SH3BP5L: variants seen among roughly 807,000 people sequenced by gnomAD.
SH3BP5L encodes SH3 domain-binding protein 5-like.
In SH3BP5L, 16 loss-of-function variants were observed where a neutral mutation model predicts 40.9. The ratio of observed to expected loss-of-function variants is 0.39; its 90% CI spans 0.27 to 0.59. The LOEUF (loss-of-function observed/expected upper bound fraction) is 0.59. SH3BP5L is among the 20% of genes least tolerant of loss of function. The pLI is 0.53. For synonymous variants in SH3BP5L, 229 were observed against 226.7 expected (o/e 1.01, Z -0.09); for missense variants, 471 against 544.6 (o/e 0.86, Z 1.35).
In SH3BP5L at chr1:248,812,931, C is replaced by A; in HGVS notation, c.711+58G>T. 5.4e-6 allele frequency: 8 copies of A among 1,477,290 alleles called. No individual in the cohort carries two copies. The highest frequency in any genetic ancestry group is 7.3e-6 in the Non-Finnish European group (8 of 1,095,436). 91.5% of individuals were successfully genotyped at this position (1,477,290 alleles called of 1,614,324 possible). ...ATGGCCCAGAGAGGCCGACCAGCAT[C>A]CCCTCCAGCCTGCACCCCCACCTAC... is the stretch of plus-strand genomic sequence containing the variant. On this transcript the variant is annotated intron_variant, in intron 6 of 6. Transcript: ENST00000366472. The surrounding 1 kb of genome is among the most constrained non-coding windows in gnomAD (Gnocchi z 6.1).
chr1:248,811,997 C>G lies in SH3BP5L; in HGVS notation c.1085G>C (p.Ser362Thr). ...EHLRGLSDHV[S>T]LDGQELGTRS... ...CGTTCCCAGCTCTTGGCCGTCCAGA[C>G]TGACGTGGTCCGAGAGGCCTCGCAA... The change falls in exon 7 of 7, where the codon AGT becomes ACT. Residue 362 changes from serine to threonine, a missense_variant. Physicochemically the swap from Ser to Thr is moderately conservative, Grantham distance 58. Transcript: ENST00000366472. 2.5e-6 allele frequency: 4 copies of G among 1,608,140 alleles called. No individual in the cohort carries two copies. The highest frequency in any genetic ancestry group is 3.4e-6 in the Non-Finnish European group (4 of 1,178,132).
chr1:248,825,358 T>G lies in SH3BP5L; in HGVS notation c.-423A>C, dbSNP rs1482893108. 15 of 998,588 alleles carry G rather than the reference T, an allele frequency of 1.5e-5. No homozygotes were observed. Among genetic ancestry groups the G allele is most frequent in the Non-Finnish European group, 1.7e-5 (14 of 838,352 alleles). 61.9% of individuals were successfully genotyped at this position (998,588 alleles called of 1,614,324 possible). ...GAGCTGAGGCTGTAGGATGAGCGTC[T>G]CTGGGGAGCTGCAGAGAAACAAAGG... On this transcript the variant is annotated 5_prime_UTR_variant, in exon 2 of 7. Transcript: ENST00000366472.
Position 248,825,853 on chromosome 1 carries a change from C to T in SH3BP5L, c.-450G>A, listed in dbSNP as rs989397399. ...GCCTTACCTCAGTTTACCTTCCCGTCCGCGGAGCTTCTATGCTGCAAACAA... is the reference window on the plus strand; with the variant it reads ...GCCTTACCTCAGTTTACCTTCCCGTTCGCGGAGCTTCTATGCTGCAAACAA... On this transcript the variant is annotated 5_prime_UTR_variant, in exon 1 of 7. Transcript: ENST00000366472. 13 of 983,802 alleles carry T rather than the reference C, an allele frequency of 1.3e-5. No individual in the cohort carries two copies. The South Asian group carries it at 4.2e-4, about 32-fold the overall frequency. The allele number at this position is 983,802 out of a possible 1,614,324, so 60.9% of individuals were successfully genotyped here. A position where few individuals can be genotyped will look rare whatever the true frequency, so the allele number is the denominator to read the frequency against.
chr1:248,824,886 TCCCCCTGTGGGGTC>T lies in SH3BP5L; in HGVS notation c.36_49del (p.Thr13AlafsTer4). 1.9e-6 allele frequency: 3 copies of T among 1,613,972 alleles called. No homozygotes were observed. The highest frequency in any genetic ancestry group is 2.5e-6 in the Non-Finnish European group (3 of 1,179,960). ...ATCCTCTACAACTTCAGGCCGCAGC[TCCCCCTGTGGGGTC>T]TCCCGCCCTCCTGGAACCTGTCTGA... On this transcript the variant is annotated frameshift_variant, in exon 2 of 7. Coordinates refer to ENST00000366472, the MANE Select transcript of SH3BP5L (RefSeq NM_030645.3). LOFTEE classifies it high-confidence loss of function.
Position 248,816,816 on chromosome 1 carries a change from A to G in SH3BP5L, c.246+6T>C, listed in dbSNP as rs1664119716. The G allele has an allele frequency of 1.2e-6, 2 of 1,613,992 alleles. No homozygotes were observed. The highest frequency in any genetic ancestry group is 1.7e-5 in the Admixed American group (1 of 60,008). On this transcript the variant is annotated splice_donor_region_variant and intron_variant, in intron 3 of 6. Coordinates refer to ENST00000366472, the MANE Select transcript of SH3BP5L (RefSeq NM_030645.3). ...AGCCCAAGCACATAAGGAAAAGGACACTCACATCCAGCTGTAGTTCCACCT... is the reference window on the plus strand; with the variant it reads ...AGCCCAAGCACATAAGGAAAAGGACGCTCACATCCAGCTGTAGTTCCACCT...
Position 248,812,201 on chromosome 1 carries a change from G to C in SH3BP5L, c.881C>G (p.Ala294Gly). ...LGPRRSSPVG[A>G]EAGPEDMEDG... is the part of the protein sequence containing the mutation. The stretch of plus-strand genomic sequence containing the variant: ...CTCCATGTCCTCGGGTCCTGCCTCG[G>C]CCCCCACGGGGGAGGAGCGCCGAGG... The change falls in exon 7 of 7, where the codon GCC becomes GGC. Residue 294 changes from alanine (A) to glycine (G), a missense_variant. Physicochemically the swap from Ala to Gly is moderately conservative, Grantham distance 60. Coordinates refer to ENST00000366472, the MANE Select transcript of SH3BP5L (RefSeq NM_030645.3). This position sits in a 1 kb window ranked among gnomAD's most constrained non-coding sequence, Gnocchi z 6.1. The C allele has an allele frequency of 6.2e-7, 1 of 1,601,302 alleles. No homozygotes were observed. Among genetic ancestry groups the C allele is most frequent in the Non-Finnish European group, 8.5e-7 (1 of 1,174,912 alleles).
At chr1:248,822,510 T>C (rs12058711) in intron 2 of SH3BP5L, among the ~76,000 whole-genome samples, 49,509 of 152,140 alleles carry the variant, frequency 0.33, 14,002 homozygotes, top group African/African-American at 0.75. Context: ...CTGCTTTACC[T>C]TTCCTGCACC....
Position 248,814,622 on chromosome 1 carries a change from G to A in SH3BP5L, c.376-12C>T. 6.2e-7 allele frequency: 1 copy of A among 1,614,164 alleles called. No individual in the cohort carries two copies. The highest frequency in any genetic ancestry group is 8.5e-7 in the Non-Finnish European group (1 of 1,180,036). ...GTCTCCTGCTGAGCCTGGGGGGAGA[G>A]GGATATCAGGATGGGGAACCCTGAG... On this transcript the variant is annotated splice_polypyrimidine_tract_variant and intron_variant, in intron 4 of 6. Transcript: ENST00000366472.
chr1:248,822,314 G>A (rs895862483), intron 2 of SH3BP5L, among the ~76,000 whole-genome samples: 5 of 152,164 alleles, frequency 3.3e-5, no homozygotes, highest in African/African-American at 1.2e-4. Context: ...CTCCGTGAAG[G>A]GTGCCCCTCA....
intron 2 of SH3BP5L, among the ~76,000 whole-genome samples, chr1:248,817,274 G>A (rs767178970): frequency 5.9e-5 from 9 of 152,198 alleles, no homozygotes; most frequent in Admixed American, 4.6e-4. Flanking sequence ...CTCTCTGCGA[G>A]AGGATGGCCA....
At chr1:248,815,656 C>G (rs972694030) in intron 4 of SH3BP5L, among the ~76,000 whole-genome samples, 3 of 152,140 alleles carry the variant, frequency 2.0e-5, no homozygotes. Flanking sequence ...TACTTCTCCC[C>G]GACCAAGCCG....
intron 4 of SH3BP5L, chr1:248,815,982 T>C (rs1157799309): frequency 3.2e-5 from 5 of 156,438 alleles, no homozygotes; most frequent in African/African-American, 4.8e-5. Flanking sequence ...CCATACAGGA[T>C]GACAACAAAT....
At chr1:248,823,431 T>A (rs1225705839) in intron 2 of SH3BP5L, among the ~76,000 whole-genome samples, 1 of 150,170 alleles carries the variant, frequency 6.7e-6, no homozygotes, top group Non-Finnish European at 1.5e-5. Flanking sequence ...ATAAAAATCA[T>A]AAATCATGGG....
chr1:248,820,303 T>C (rs1262074599), intron 2 of SH3BP5L: 3 of 152,214 alleles, frequency 2.0e-5, no homozygotes, highest in Admixed American at 6.5e-5. Context: ...GAACTCCAAG[T>C]TTCACAGTGC....
Position 248,812,317 on chromosome 1 carries a change from C to T in SH3BP5L, c.765G>A (p.Thr255=), listed in dbSNP as rs1663969103. The change falls in exon 7 of 7, where the codon ACG becomes ACA. Residue 255 remains threonine (T), a synonymous_variant. Coordinates refer to ENST00000366472, the MANE Select transcript of SH3BP5L (RefSeq NM_030645.3). The surrounding 1 kb of genome is among the most constrained non-coding windows in gnomAD (Gnocchi z 6.1). ...ELEQQVAQAK[T]RYSVALRNLE... Reference sequence around the variant, plus strand: ...GGTTACGAAGGGCCACGGAGTAGCGCGTCTTGGCCTGAGCTACCTGCTGCT... The same window carrying T: ...GGTTACGAAGGGCCACGGAGTAGCGTGTCTTGGCCTGAGCTACCTGCTGCT... 3.1e-6 allele frequency: 5 copies of T among 1,610,230 alleles called. No individual in the cohort carries two copies. The highest frequency in any genetic ancestry group is 2.2e-5 in the East Asian group (1 of 44,898).
At chr1:248,818,528 T>C (rs982155150) in intron 2 of SH3BP5L, among the ~76,000 whole-genome samples, 33 of 152,140 alleles carry the variant, frequency 2.2e-4, no homozygotes, top group African/African-American at 7.7e-4. Context: ...GCTTGGGCAA[T>C]GGGTGACCAT....
At chr1:248,816,707 G>A (rs4926508) in intron 3 of SH3BP5L, 45 bp from the exon 4 acceptor site, 1 of 1,612,410 alleles carries the variant, frequency 6.2e-7, no homozygotes, top group Non-Finnish European at 8.5e-7. Flanking sequence ...TTGGGTCCCA[G>A]CCCCTCTTGT....
chr1:248,812,227 G>T lies in SH3BP5L; in HGVS notation c.855C>A (p.Gly285=), dbSNP rs1343706634. ...CCCCCACGGGGGAGGAGCGCCGAGG[G>T]CCCAGGGGGTGGGGAGGCAGACCCC... is the stretch of plus-strand genomic sequence containing the variant. ...RRGGLPPHPL[G]PRRSSPVGAE... Residue 285 remains glycine (G), a synonymous_variant, in exon 7 of 7, where the codon GGC becomes GGA. Transcript: ENST00000366472. The surrounding 1 kb of genome is among the most constrained non-coding windows in gnomAD (Gnocchi z 6.1). 6.2e-7 allele frequency: 1 copy of T among 1,608,758 alleles called. No homozygotes were observed.
chr1:248,824,312 T>C (rs1371468392), intron 2 of SH3BP5L, among the ~76,000 whole-genome samples: 1 of 152,128 alleles, frequency 6.6e-6, no homozygotes, highest in Admixed American at 6.5e-5. Context: ...GCTGAGAAGG[T>C]GAGAAAGGGG....
Sources: gnomAD v4.1 joint callset for allele counts (sites outside exome capture counted in the v4.1 genomes callset) on GRCh38, gnomAD v4.1.1 for gene constraint, Gnocchi (gnomAD v3.1) non-coding constraint, MANE v1.5 for transcripts, NCBI Gene and HGNC (gene_info 2026-07-23, HGNC 2026-07-21) for gene names.